DCAF5: variants seen among roughly 807,000 people sequenced by gnomAD.
The protein encoded by DCAF5 is DDB1- and CUL4-associated factor 5.
A neutral mutation model predicts 80.7 loss-of-function variants in DCAF5; 9 were observed. The ratio of observed to expected loss-of-function variants is 0.11; its 90% CI spans 0.07 to 0.19. The LOEUF is 0.19. Among genes scored for constraint, DCAF5 ranks in the 10% least tolerant of loss-of-function variants. The probability of loss-of-function intolerance (pLI) is 1.00; values close to 1 mark genes in which losing one functional copy is unlikely to be tolerated. For missense variants in DCAF5, 842 were observed against 1,205.7 expected, an observed-to-expected ratio of 0.70 and a Z score of 4.47; for synonymous variants, 433 against 461.9, an observed-to-expected ratio of 0.94 and a Z score of 0.80.
intron 1 of DCAF5, among the ~76,000 whole-genome samples, chr14:69,129,652 G>A (rs4902691): frequency 0.015 from 2,256 of 152,282 alleles, 44 homozygotes; most frequent in East Asian, 0.056. Context: ...AGAATATTTA[G>A]GATCATTTCA....
chr14:69,062,247 G>T, intron 8 of DCAF5, 137 bp downstream of exon 8: 1 of 949,918 alleles, frequency 1.1e-6, no homozygotes, highest in Non-Finnish European at 1.5e-6. Flanking sequence ...CTAATATTTT[G>T]TAATATGTTA....
At chr14:69,105,649 G>C (rs2040111257) in intron 5 of DCAF5, among the ~76,000 whole-genome samples, 1 of 151,870 alleles carries the variant, frequency 6.6e-6, no homozygotes, top group Admixed American at 6.6e-5. Flanking sequence ...CTCTTTCCAA[G>C]CCTGATGCTT....
intron 6 of DCAF5, among the ~76,000 whole-genome samples, chr14:69,083,146 A>G (rs982354103): frequency 6.6e-6 from 1 of 152,252 alleles, no homozygotes; most frequent in African/African-American, 2.4e-5. Context: ...AACATAATCC[A>G]AAGGTAAAAT....
At chr14:69,112,495 G>C (rs1031817500) in intron 5 of DCAF5, among the ~76,000 whole-genome samples, 1 of 151,858 alleles carries the variant, frequency 6.6e-6, no homozygotes, top group Non-Finnish European at 1.5e-5. Flanking sequence ...ATCTACTCGG[G>C]AGGCTGAGGC....
chr14:69,115,452 G>A (rs1039760691), intron 5 of DCAF5, among the ~76,000 whole-genome samples: 21 of 152,266 alleles, frequency 1.4e-4, no homozygotes, highest in African/African-American at 1.7e-4. Flanking sequence ...TCTGAGGCCC[G>A]TGAAATAAAT....
chr14:69,075,223 G>A, intron 7 of DCAF5, 122 bp downstream of exon 7: 1 of 609,266 alleles, frequency 1.6e-6, no homozygotes, highest in African/African-American at 1.9e-5. Flanking sequence ...AATTTCCTTT[G>A]GTCACAGCTT....
chr14:69,118,054 T>C lies in DCAF5; in HGVS notation c.535+85A>G. 4 of 1,548,894 alleles carry C rather than the reference T, an allele frequency of 2.6e-6. No homozygotes were observed. The highest frequency in any genetic ancestry group is 3.5e-6 in the Non-Finnish European group (4 of 1,129,676). ...TCCCTTGACATCACTTGCACATAGA[T>C]ACTGAGGTAATAAATTGGATCTTCA... On this transcript the variant is annotated intron_variant, in intron 4 of 8. Coordinates refer to ENST00000341516, the MANE Select transcript of DCAF5 (RefSeq NM_003861.3). This position sits in a 1 kb window ranked among gnomAD's most constrained non-coding sequence, Gnocchi z 4.0.
chr14:69,115,368 G>T (rs2040509519), intron 5 of DCAF5, among the ~76,000 whole-genome samples: 1 of 152,146 alleles, frequency 6.6e-6, no homozygotes. Flanking sequence ...ATCTCTTACT[G>T]CCCCATGGAG....
chr14:69,057,817 G>A (rs929666560), intron 8 of DCAF5, among the ~76,000 whole-genome samples: 1 of 152,100 alleles, frequency 6.6e-6, no homozygotes, highest in African/African-American at 2.4e-5. Flanking sequence ...CTAAGATTCA[G>A]AGCAAAACAA....
At chr14:69,065,967 C>T (rs2038420471) in intron 7 of DCAF5, among the ~76,000 whole-genome samples, 1 of 152,154 alleles carries the variant, frequency 6.6e-6, no homozygotes, top group African/African-American at 2.4e-5. Context: ...GGTTGCTGAA[C>T]TAAGTCCTGA....
chr14:69,054,584 T>A lies in DCAF5; in HGVS notation c.2102A>T (p.Asn701Ile). The stretch of plus-strand genomic sequence containing the variant: ...TTCCTTACTGGAAGAAGGGGCTGGG[T>A]TGTCTTTGTGGCTGGTTCCTGCTCT... ...EGRAGTSHKD[N>I]PAPSSSKEAC... Residue 701 changes from asparagine (N) to isoleucine (I), a missense_variant, in exon 9 of 9, where the codon AAC (asparagine) becomes ATC (isoleucine). Transcript: ENST00000341516. 6.2e-7 allele frequency: 1 copy of A among 1,614,166 alleles called. No individual in the cohort carries two copies. Among genetic ancestry groups the A allele is most frequent in the Non-Finnish European group, 8.5e-7 (1 of 1,180,022 alleles).
At chr14:69,078,677 A>G (rs1402337660) in intron 6 of DCAF5, among the ~76,000 whole-genome samples, 1 of 152,204 alleles carries the variant, frequency 6.6e-6, no homozygotes, top group African/African-American at 2.4e-5. Flanking sequence ...GACAAATACT[A>G]TATGATCCTA....
At chr14:69,084,287 A>G in intron 6 of DCAF5, 1 of 968,758 alleles carries the variant, frequency 1.0e-6, no homozygotes, top group Non-Finnish European at 1.7e-6. Context: ...TGGGATCAAC[A>G]TCACTGTGGT....
At chr14:69,078,191 A>G (rs2038971632) in intron 6 of DCAF5, among the ~76,000 whole-genome samples, 1 of 152,208 alleles carries the variant, frequency 6.6e-6, no homozygotes. Context: ...AGAAAAAACA[A>G]CATGATTTTA....
rs2037872491 is a variant in DCAF5 at position 69,054,423 on chromosome 14, C to T, written c.2263G>A (p.Ala755Thr). 6.2e-7 allele frequency: 1 copy of T among 1,614,046 alleles called. No individual in the cohort carries two copies. Among genetic ancestry groups the T allele is most frequent in the Non-Finnish European group, 8.5e-7 (1 of 1,180,040 alleles). The change falls in exon 9 of 9, where the codon GCA becomes ACA. Residue 755 changes from alanine (A) to threonine (T), a missense_variant. By Grantham distance (58) the Ala-to-Thr change is moderately conservative. Coordinates refer to ENST00000341516, the MANE Select transcript of DCAF5 (RefSeq NM_003861.3). ...PGHEHSSHAW[A>T]EVPEGTSQDT... ...TGAGAGGTACCCTCTGGCACCTCTG[C>T]CCAAGCATGGCTGCTGTGCTCATGG...
intron 5 of DCAF5, among the ~76,000 whole-genome samples, chr14:69,101,327 C>A (rs2140002965): frequency 6.6e-6 from 1 of 152,336 alleles, no homozygotes; most frequent in Non-Finnish European, 1.5e-5. Context: ...TTCATGCATA[C>A]TTTCATTTAA....
intron 6 of DCAF5, among the ~76,000 whole-genome samples, chr14:69,086,579 C>G (rs1415283973): frequency 5.3e-5 from 8 of 150,292 alleles, no homozygotes; most frequent in Admixed American, 5.3e-4. Context: ...TATGGCATGC[C>G]AGGCCCCAAA....
intron 1 of DCAF5, among the ~76,000 whole-genome samples, chr14:69,148,457 G>T (rs2041610919): frequency 6.6e-6 from 1 of 152,182 alleles, no homozygotes; most frequent in African/African-American, 2.4e-5. Flanking sequence ...AGGACTTTGG[G>T]AGGCTGAGGT....
chr14:69,098,909 A>AG (rs2039844416), intron 5 of DCAF5, among the ~76,000 whole-genome samples: 1 of 149,562 alleles, frequency 6.7e-6, no homozygotes, highest in Non-Finnish European at 1.5e-5. Flanking sequence ...AAAAAAAAAA[A>AG]AAAAAAGAAA....
Sources: allele counts gnomAD v4.1 joint callset (sites outside exome capture counted in the v4.1 genomes callset), GRCh38; gene constraint gnomAD v4.1.1; non-coding constraint Gnocchi (gnomAD v3.1); transcripts MANE v1.5; gene names NCBI Gene and HGNC (gene_info 2026-07-23, HGNC 2026-07-21).